The following RABGAP1L variants were observed in gnomAD, a reference collection of about 807,000 sequenced individuals.
RABGAP1L encodes rab GTPase-activating protein 1-like.
Under a neutral mutation model 137.7 loss-of-function variants are expected in RABGAP1L, and 63 were observed. The observed-to-expected ratio is 0.46, with a 90% CI of 0.37 to 0.56. The LOEUF is 0.56. RABGAP1L is among the 20% of genes least tolerant of loss of function. RABGAP1L has a pLI of 0.00. For missense variants in RABGAP1L, 1,095 were observed against 1,244.0 expected (o/e 0.88, Z 1.80); for synonymous variants, 431 against 433.7 (o/e 0.99, Z 0.08).
At chr1:174,404,324 CTT>C (rs1420205248) in intron 13 of RABGAP1L, among the ~76,000 whole-genome samples, 1 of 152,010 alleles carries the variant, frequency 6.6e-6, no homozygotes, top group Non-Finnish European at 1.5e-5. Flanking sequence ...TAGGGAGTGG[CTT>C]ATGTAGTTTT....
At chr1:174,427,485 G>A (rs1244458224) in intron 13 of RABGAP1L, among the ~76,000 whole-genome samples, 3 of 152,014 alleles carry the variant, frequency 2.0e-5, no homozygotes, top group Non-Finnish European at 4.4e-5. Flanking sequence ...AAGGTTCAGT[G>A]TTCTGAGTTG....
rs1571683782 is a variant in RABGAP1L, at chr1:174,412,848, T to C, written c.1710+18703T>C. Among the ~76,000 whole-genome samples, 3 of 152,210 alleles carry C rather than the reference T, an allele frequency of 2.0e-5. No individual in the cohort carries two copies. In the South Asian group the frequency reaches 6.2e-4, roughly 32 times the overall value. ...AAAGTCCACTGTTAGCCTGATGGGG[T>C]TCCCTTTGTACATGATCTGACCTTT... On this transcript the variant is annotated intron_variant, in intron 13 of 25. Transcript: ENST00000681986.
intron 13 of RABGAP1L, among the ~76,000 whole-genome samples, chr1:174,611,736 C>T (rs569697811): frequency 2.0e-5 from 3 of 152,054 alleles, no homozygotes; most frequent in Admixed American, 6.5e-5. Flanking sequence ...TTTCCTTGAG[C>T]AGTGGTTTGT....
In RABGAP1L at chr1:174,637,481, T is replaced by C; in HGVS notation, c.1817T>C (p.Ile606Thr). Residue 606 changes from isoleucine (I) to threonine (T), a missense_variant, in exon 14 of 26, where the codon ATC (isoleucine) becomes ACC (threonine). Physicochemically the swap from Ile to Thr is moderately conservative, Grantham distance 89. Around this residue, in one of 4 missense-constraint regions of RABGAP1L, gnomAD observed 315 missense variants for 324.8 expected, o/e 0.97. Coordinates refer to ENST00000681986, the MANE Select transcript of RABGAP1L (RefSeq NM_001366446.1). ...GATGGTCAAGAATCGCTCTATAAGATCTGCAAGGTAGGACTCTCTTCCTCA... is the reference window on the plus strand; with the variant it reads ...GATGGTCAAGAATCGCTCTATAAGACCTGCAAGGTAGGACTCTCTTCCTCA... The part of the protein sequence containing the change: ...GGDGQESLYK[I>T]CKAYSVYDED... The C allele has an allele frequency of 6.3e-7, 1 of 1,593,778 alleles. No homozygotes were observed.
intron 4 of RABGAP1L, among the ~76,000 whole-genome samples, chr1:174,240,657 C>T (rs534400075): frequency 1.1e-4 from 16 of 152,326 alleles, no homozygotes; most frequent in Non-Finnish European, 2.2e-4. Flanking sequence ...ACCACCTGAC[C>T]TTTTCTGTGG....
At chr1:174,263,944 T>C (rs1673813842) in intron 7 of RABGAP1L, among the ~76,000 whole-genome samples, 1 of 152,134 alleles carries the variant, frequency 6.6e-6, no homozygotes, top group African/African-American at 2.4e-5. Context: ...TTTATTTCTT[T>C]AGTAAATATT....
At chr1:174,919,322 C>T (rs1306054259) in intron 19 of RABGAP1L, among the ~76,000 whole-genome samples, 1 of 152,000 alleles carries the variant, frequency 6.6e-6, no homozygotes, top group Non-Finnish European at 1.5e-5. Context: ...CTGGCCAATC[C>T]GTGGTTCTTT....
At chr1:174,697,814 T>TAA (rs1449548686) in intron 15 of RABGAP1L, among the ~76,000 whole-genome samples, 1 of 152,138 alleles carries the variant, frequency 6.6e-6, no homozygotes, top group Non-Finnish European at 1.5e-5. Context: ...AAACGGAAGC[T>TAA]GAAAAATAGT....
intron 10 of RABGAP1L, among the ~76,000 whole-genome samples, chr1:174,280,048 G>GGAGAGAGAGAGAGAGAGA (rs59262212): frequency 8.5e-4 from 107 of 125,290 alleles, no homozygotes; most frequent in African/African-American, 2.3e-3. Context: ...CTGTCTGCCT[G>GGAGAGAGAGAGAGAGAGA]GAGAGAGAGA....
chr1:174,982,825 C>T lies in RABGAP1L; in HGVS notation c.2734-9C>T. The T allele has an allele frequency of 3.2e-6, 5 of 1,550,132 alleles. No individual in the cohort carries two copies. Among genetic ancestry groups the T allele is most frequent in the Non-Finnish European group, 4.4e-6 (5 of 1,146,708 alleles). ...GTTTTCTAGTAAAAGACTCTTTTCT[C>T]ATCCTTAGATCTGTTCGCAGTTGAG... On this transcript the variant is annotated splice_polypyrimidine_tract_variant and intron_variant, in intron 23 of 25. Transcript: ENST00000681986.
At chr1:174,517,939 T>G (rs1315200043) in intron 13 of RABGAP1L, among the ~76,000 whole-genome samples, 2 of 152,052 alleles carry the variant, frequency 1.3e-5, no homozygotes, top group Non-Finnish European at 2.9e-5. Context: ...TAGTTAAGAG[T>G]TTTAGGAAAA....
chr1:174,637,270 TG>T, intron 13 of RABGAP1L, 104 bp from the exon 14 acceptor site: 1 of 748,232 alleles, frequency 1.3e-6, no homozygotes, highest in Non-Finnish European at 2.2e-6. Flanking sequence ...TATGTTTTTC[TG>T]TTGTTTACTT....
At chr1:174,239,228 C>G (rs1225496748) in intron 4 of RABGAP1L, among the ~76,000 whole-genome samples, 1 of 152,226 alleles carries the variant, frequency 6.6e-6, no homozygotes, top group Non-Finnish European at 1.5e-5. Context: ...CACCCGTCTT[C>G]TGCGTCGCTC....
chr1:174,194,609 T>C (rs1667440038), intron 1 of RABGAP1L, among the ~76,000 whole-genome samples: 1 of 152,174 alleles, frequency 6.6e-6, no homozygotes, highest in East Asian at 1.9e-4. Context: ...GAAAGTGACC[T>C]GTTGGCTCTG....
At chr1:174,781,802 A>G (rs1404228867) in intron 18 of RABGAP1L, among the ~76,000 whole-genome samples, 1 of 152,194 alleles carries the variant, frequency 6.6e-6, no homozygotes, top group Admixed American at 6.5e-5. Context: ...CAGTTTTCCC[A>G]GCACCATTTG....
intron 13 of RABGAP1L, among the ~76,000 whole-genome samples, chr1:174,527,190 A>G (rs1014255399): frequency 1.4e-5 from 2 of 145,244 alleles, no homozygotes; most frequent in African/African-American, 5.2e-5. Flanking sequence ...GAGAAAACAT[A>G]TGATTTTTAT....
At chr1:174,947,976 A>G (rs886737909) in intron 19 of RABGAP1L, among the ~76,000 whole-genome samples, 6 of 152,112 alleles carry the variant, frequency 3.9e-5, no homozygotes, top group African/African-American at 1.4e-4. Flanking sequence ...TCCCTTAGGA[A>G]GTGGTGGTTG....
intron 13 of RABGAP1L, among the ~76,000 whole-genome samples, chr1:174,536,469 A>G (rs1664898697): frequency 1.3e-5 from 2 of 152,130 alleles, no homozygotes; most frequent in African/African-American, 4.8e-5. Context: ...ATAACTGAGA[A>G]TGATAAATTA....
At chr1:174,928,573 A>G (rs1663206022) in intron 19 of RABGAP1L, among the ~76,000 whole-genome samples, 1 of 152,104 alleles carries the variant, frequency 6.6e-6, no homozygotes, top group South Asian at 2.1e-4. Context: ...TGTTAATTTC[A>G]TTATCTACAT....
Sources: gnomAD v4.1 joint callset for allele counts (sites outside exome capture counted in the v4.1 genomes callset) on GRCh38, gnomAD v4.1.1 for gene constraint, gnomAD v4.1.1 regional missense constraint, MANE v1.5 for transcripts, NCBI Gene and HGNC (gene_info 2026-07-23, HGNC 2026-07-21) for gene names.